Variants in LRP5 observed in about 807,000 individuals in gnomAD.
The protein encoded by LRP5 is LDL receptor related protein 5.
A neutral mutation model predicts 154.1 loss-of-function variants in LRP5; 62 were observed. That is an observed-to-expected ratio of 0.40 (90% confidence interval 0.33 to 0.50). The LOEUF is 0.50. Among genes scored for constraint, LRP5 ranks in the 20% least tolerant of loss-of-function variants. LRP5 has a pLI of 0.55. For missense variants in LRP5, 1,915 were observed against 2,336.7 expected (o/e 0.82, Z 3.72); for synonymous variants, 966 against 1,011.5 (o/e 0.96, Z 0.85).
chr11:68,390,409 T>TC (rs751810806), intron 7 of LRP5, among the ~76,000 whole-genome samples: 22 of 152,200 alleles, frequency 1.4e-4, no homozygotes, highest in Non-Finnish European at 2.4e-4. Flanking sequence ...TTAAATTATT[T>TC]CACAATACAA....
chr11:68,379,792 C>T (rs1404599334), intron 5 of LRP5, among the ~76,000 whole-genome samples: 1 of 152,192 alleles, frequency 6.6e-6, no homozygotes, highest in East Asian at 1.9e-4. Flanking sequence ...CTCCTCCTCC[C>T]CACCTTCCCT....
Position 68,361,519 on chromosome 11 carries a change from C to T in LRP5, c.687-2228C>T, listed in dbSNP as rs1211110081. ...AGGCGTGGTGGCCGGTGACTATAGT[C>T]CCAGCCACTCGGGAGGCTGAGGCAG... On this transcript the variant is annotated intron_variant, in intron 3 of 22. Transcript: ENST00000294304. Among the ~76,000 whole-genome samples the T allele has an allele frequency of 2.6e-5, 4 of 151,538 alleles. No individual in the cohort carries two copies. In the East Asian group the frequency reaches 7.8e-4, roughly 29 times the overall value.
chr11:68,438,622 A>T lies in LRP5; in HGVS notation c.4288A>T (p.Thr1430Ser), dbSNP rs543337222. Reference protein sequence around the residue: ...GPFPHEYVSGTPHVPLNFIAP... With the variant: ...GPFPHEYVSGSPHVPLNFIAP... ...CTTCCCGCACGAGTATGTCAGCGGG[A>T]CCCCGCACGTGCCCCTCAATTTCAT... Residue 1430 changes from threonine (T) to serine (S), a missense_variant, in exon 20 of 23, where the codon ACC becomes TCC. Transcript: ENST00000294304. 1 of 1,613,562 alleles carries T rather than the reference A, an allele frequency of 6.2e-7. No individual in the cohort carries two copies. Among genetic ancestry groups the T allele is most frequent in the African/African-American group, 1.3e-5 (1 of 75,004 alleles).
rs578226088 is a variant in LRP5, at chr11:68,379,879, C to A, written c.1016-6437C>A. Among the ~76,000 whole-genome samples the A allele has an allele frequency of 2.6e-5, 4 of 152,332 alleles. No homozygotes were observed. In the South Asian group the frequency reaches 8.3e-4, roughly 32 times the overall value. ...GGGCGTGGTGGCTCACGCCTGTAAT[C>A]CCAGCACGTTGGGAGGCAGAGGCAG... On this transcript the variant is annotated intron_variant, in intron 5 of 22. Coordinates refer to ENST00000294304, the MANE Select transcript of LRP5 (RefSeq NM_002335.4).
intron 2 of LRP5, among the ~76,000 whole-genome samples, chr11:68,350,942 CTGTG>C (rs545722451): frequency 1.3e-5 from 2 of 151,830 alleles, no homozygotes; most frequent in African/African-American, 2.4e-5. Context: ...ACGTGTGAGC[CTGTG>C]TGTGTCCGTG....
intron 7 of LRP5, among the ~76,000 whole-genome samples, chr11:68,396,268 G>A (rs557476800): frequency 2.6e-5 from 4 of 152,242 alleles, no homozygotes; most frequent in African/African-American, 7.2e-5. Flanking sequence ...ATGCTATGTC[G>A]GGAGGCAACA....
chr11:68,416,238 C>T lies in LRP5; in HGVS notation c.2828-90C>T, dbSNP rs142716199. On this transcript the variant is annotated intron_variant, in intron 12 of 22. Coordinates refer to ENST00000294304, the MANE Select transcript of LRP5 (RefSeq NM_002335.4). The stretch of plus-strand genomic sequence containing the variant: ...ACCTCCAGCGGGGCAGATGCTGAGC[C>T]GCCTGTTGTCGAGTGGCGTGCTATC... 216 of 1,123,994 alleles carry T rather than the reference C, an allele frequency of 1.9e-4. 2 individuals are homozygous for T. The East Asian group carries it at 4.7e-3, about 24-fold the overall frequency. 69.6% of individuals were successfully genotyped at this position (1,123,994 alleles called of 1,614,324 possible).
intron 1 of LRP5, among the ~76,000 whole-genome samples, chr11:68,334,005 A>G (rs994999160): frequency 2.6e-5 from 4 of 152,156 alleles, no homozygotes; most frequent in African/African-American, 9.7e-5. Flanking sequence ...TGAGAGGCCA[A>G]GGTGGATCAC....
At chr11:68,431,228 A>AC (rs2098671679) in intron 17 of LRP5, among the ~76,000 whole-genome samples, 7 of 103,598 alleles carry the variant, frequency 6.8e-5, no homozygotes, top group African/African-American at 2.4e-4. Context: ...CTGGCTGTGC[A>AC]CCCTTTTTTT....
chr11:68,356,454 A>T (rs1180625989), intron 2 of LRP5, among the ~76,000 whole-genome samples: 2 of 151,978 alleles, frequency 1.3e-5, no homozygotes, highest in Non-Finnish European at 2.9e-5. Flanking sequence ...GTTGTTTTTA[A>T]ATAGACTTAA....
intron 7 of LRP5, among the ~76,000 whole-genome samples, chr11:68,391,920 TAGCCTCAATCTCCCTG>T: frequency 6.6e-6 from 1 of 152,328 alleles, no homozygotes; most frequent in South Asian, 2.1e-4. Flanking sequence ...CGGCTCGCTG[TAGCCTCAATCTCCCTG>T]GGCTCAGGTG....
chr11:68,439,312 T>C lies in LRP5; in HGVS notation c.4349-465T>C, dbSNP rs563004921. On this transcript the variant is annotated intron_variant, in intron 20 of 22. Transcript: ENST00000294304. The stretch of plus-strand genomic sequence containing the variant: ...GCCCAGCCCTGAGTTCCCTCTCCCC[T>C]GTCCTGTCCCACTGTCACCCCAAGC... 1.8e-3 allele frequency among the ~76,000 whole-genome samples: 268 copies of C among 152,264 alleles called. 1 individual carries two copies. The highest frequency in any genetic ancestry group is 7.9e-3 in the East Asian group (41 of 5,182).
chr11:68,416,652 C>G (rs185875162), intron 13 of LRP5, 125 bp downstream of exon 13: 2 of 888,354 alleles, frequency 2.3e-6, no homozygotes, highest in Non-Finnish European at 3.6e-6. Flanking sequence ...TGAATGATGA[C>G]TTGGGCTTCG....
At chr11:68,443,560 TATATATATATATATATATATATA>T (rs1438896259) in intron 21 of LRP5, among the ~76,000 whole-genome samples, 10 of 37,814 alleles carry the variant, frequency 2.6e-4, no homozygotes, top group African/African-American at 1.2e-3. Context: ...TATATATATA[TATATATATATATATATATATATA>T]TATTTTTTTT....
Position 68,376,464 on chromosome 11 carries a change from A to G in LRP5, c.1016-9852A>G, listed in dbSNP as rs566509535. Among the ~76,000 whole-genome samples, 6 of 152,226 alleles carry G rather than the reference A, an allele frequency of 3.9e-5. 1 individual carries two copies. In the South Asian group the frequency reaches 8.3e-4, roughly 21 times the overall value. On this transcript the variant is annotated intron_variant, in intron 5 of 22. Transcript: ENST00000294304. ...CTCCCAAAGTGCTGGGATTACAGGC[A>G]TGAGCCACCATGCCTGGCCGGCCCT...
chr11:68,411,686 G>A (rs1286691491), intron 11 of LRP5, 66 bp downstream of exon 11: 2 of 1,516,930 alleles, frequency 1.3e-6, no homozygotes, highest in Non-Finnish European at 1.8e-6. Context: ...CCACCTCCCA[G>A]CCTCGCCGCA....
At chr11:68,345,310 C>CA (rs1367629095) in intron 1 of LRP5, among the ~76,000 whole-genome samples, 1 of 152,082 alleles carries the variant, frequency 6.6e-6, no homozygotes, top group Admixed American at 6.5e-5. Context: ...TTTTTTGAGA[C>CA]AGAGTCTCGC....
chr11:68,429,761 A>G, intron 17 of LRP5, 61 bp downstream of exon 17: 1 of 1,609,134 alleles, frequency 6.2e-7, no homozygotes, highest in Non-Finnish European at 8.5e-7. Flanking sequence ...TCTGCCTGCT[A>G]GGCTGCTGCC....
chr11:68,324,944 T>C (rs1247750947), intron 1 of LRP5, among the ~76,000 whole-genome samples: 1 of 152,198 alleles, frequency 6.6e-6, no homozygotes, highest in African/African-American at 2.4e-5. Flanking sequence ...CTTGCTGTGC[T>C]TTTCTCTGAG....
Sources: gnomAD v4.1 joint callset for allele counts (sites outside exome capture counted in the v4.1 genomes callset) on GRCh38, gnomAD v4.1.1 for gene constraint, MANE v1.5 for transcripts, NCBI Gene and HGNC (gene_info 2026-07-23, HGNC 2026-07-21) for gene names.